The following ZNF300 variants were observed in gnomAD, a reference collection of about 807,000 sequenced individuals.
The protein encoded by ZNF300 is kruppel-like zinc finger protein.
A neutral mutation model predicts 13.9 loss-of-function variants in ZNF300; 6 were observed. The observed-to-expected ratio is 0.43, with a 90% CI of 0.24 to 0.85. ZNF300 has a LOEUF of 0.85. Among genes scored for constraint, ZNF300 ranks in the 40% least tolerant of loss-of-function variants. ZNF300 has a pLI of 0.25. For synonymous variants in ZNF300, 237 were observed against 242.2 expected, an observed-to-expected ratio of 0.98 and a Z score of 0.20; for missense variants, 662 against 714.2, an observed-to-expected ratio of 0.93 and a Z score of 0.83.
At position 150,904,769 on chromosome 5, in the gene ZNF300, C is replaced by T. The variant is rs1465322419; in HGVS notation, c.-207G>A. 6.5e-6 allele frequency: 1 copy of T among 153,266 alleles called. No individual in the cohort carries two copies. The highest frequency in any genetic ancestry group is 2.4e-5 in the African/African-American group (1 of 41,456). The allele number at this position is 153,266 out of a possible 1,614,324, so 9.5% of individuals were successfully genotyped here. On this transcript the variant is annotated 5_prime_UTR_variant, in exon 1 of 6. Transcript: ENST00000274599. ...TATCAGGTCCCAAAACCACCATCAC[C>T]GCTTAATGGGAACCGCTGTCACATC... is the stretch of plus-strand genomic sequence containing the variant.
In ZNF300 at chr5:150,896,085, T is replaced by C. The variant is rs765108536; in HGVS notation, c.1154A>G (p.Glu385Gly). 4 of 1,613,564 alleles carry C rather than the reference T, an allele frequency of 2.5e-6. No homozygotes were observed. In the Admixed American group the frequency reaches 6.7e-5, roughly 27 times the overall value. Reference protein sequence around the residue: ...HTGEKPYECRECGKAFSQKSQ... With the variant: ...HTGEKPYECRGCGKAFSQKSQ... The stretch of plus-strand genomic sequence containing the variant: ...CTTCTGGGAAAAGGCCTTCCCACAC[T>C]CTCTACATTCATAGGGTTTTTCCCC... The change falls in exon 6 of 6, where the codon GAG (glutamate) becomes GGG (glycine). Residue 385 changes from glutamate to glycine, a missense_variant. Coordinates refer to ENST00000274599, the MANE Select transcript of ZNF300 (RefSeq NM_052860.4).
intron 3 of ZNF300, among the ~76,000 whole-genome samples, chr5:150,902,861 T>A (rs78514223): frequency 0.039 from 5,900 of 152,302 alleles, 181 homozygotes; most frequent in East Asian, 0.16. Context: ...CTTATATGGC[T>A]AGAAACATTT....
chr5:150,897,929 G>C, intron 5 of ZNF300, 133 bp downstream of exon 5: 1 of 1,020,516 alleles, frequency 9.8e-7, no homozygotes, highest in Non-Finnish European at 1.4e-6. Context: ...CCTCTGAAAG[G>C]CTTCACAATT....
At chr5:150,903,028 G>T in intron 3 of ZNF300, 113 bp downstream of exon 3, 1 of 1,125,100 alleles carries the variant, frequency 8.9e-7, no homozygotes, top group Non-Finnish European at 1.3e-6. Flanking sequence ...TCGAGGTCTT[G>T]ATCTTTGTTG....
At chr5:150,904,630 C>G (rs1755084438) in intron 1 of ZNF300, 74 bp downstream of exon 1, 1 of 152,744 alleles carries the variant, frequency 6.5e-6, no homozygotes, top group South Asian at 2.1e-4. Context: ...CTTCCCCCAC[C>G]AGTGATTTCA....
chr5:150,903,334 T>C, intron 2 of ZNF300, 152 bp from the exon 3 acceptor site: 2 of 1,558,506 alleles, frequency 1.3e-6, no homozygotes, highest in Non-Finnish European at 1.7e-6. Context: ...CTTACAGAAG[T>C]CTCAGCAGGC....
At chr5:150,898,643 T>C (rs759490635) in intron 3 of ZNF300, 89 bp from the exon 4 acceptor site, 16 of 1,395,020 alleles carry the variant, frequency 1.1e-5, no homozygotes, top group Non-Finnish European at 1.4e-5. Flanking sequence ...CCTAGTTTTG[T>C]ATAATAGTTT....
chr5:150,895,834 C>A lies in ZNF300; in HGVS notation c.1405G>T (p.Glu469Ter). The A allele has an allele frequency of 6.2e-7, 1 of 1,613,622 alleles. No individual in the cohort carries two copies. The highest frequency in any genetic ancestry group is 8.5e-7 in the Non-Finnish European group (1 of 1,179,838). Residue 469 changes from glutamate (E) to a stop codon, truncating the protein, a stop_gained, in exon 6 of 6, where the codon GAA becomes TAA. Coordinates refer to ENST00000274599, the MANE Select transcript of ZNF300 (RefSeq NM_052860.4). LOFTEE classifies it low-confidence loss of function (END_TRUNC). ...TTGCGGGAGAATGTCTTTCCACATTCAGTACATTCATAAGGTTTTTCCCCA... is the reference window on the plus strand; with the variant it reads ...TTGCGGGAGAATGTCTTTCCACATTAAGTACATTCATAAGGTTTTTCCCCA... ...HTGEKPYECT[E>*]CGKTFSRKSQ...
chr5:150,897,872 A>C, intron 5 of ZNF300, 190 bp downstream of exon 5: 1 of 537,784 alleles, frequency 1.9e-6, no homozygotes, highest in Non-Finnish European at 3.0e-6. Flanking sequence ...ACAAATATAA[A>C]CATATATATA....
chr5:150,897,929 G>A (rs1754851429), intron 5 of ZNF300, 133 bp downstream of exon 5: 3 of 1,020,398 alleles, frequency 2.9e-6, no homozygotes, highest in South Asian at 1.7e-5. Context: ...CCTCTGAAAG[G>A]CTTCACAATT....
rs371107991 is a variant in ZNF300, at chr5:150,898,176, C to T, written c.151G>A (p.Val51Ile). The T allele has an allele frequency of 1.2e-6, 2 of 1,613,092 alleles. No homozygotes were observed. The highest frequency in any genetic ancestry group is 2.7e-5 in the African/African-American group (2 of 74,834). ...YSHLVSMGYP[V>I]SKPDVISKLE... is the part of the protein sequence containing the mutation. ...TTGGAGATGACATCTGGTTTGGAAA[C>T]TGGATACCCTATTAAACAGAAATCA... is the stretch of plus-strand genomic sequence containing the variant. The change falls in exon 5 of 6, where the codon GTT becomes ATT. Residue 51 changes from valine (V) to isoleucine (I), a missense_variant. Transcript: ENST00000274599.
rs746063592 is a variant in ZNF300 at position 150,896,296 on chromosome 5, G to A, written c.943C>T (p.His315Tyr). ...TTCTCCCCAGTATGAGTTCTCTGATGTACAACAAGATGAAACTTCTCACTG... is the reference window on the plus strand; with the variant it reads ...TTCTCCCCAGTATGAGTTCTCTGATATACAACAAGATGAAACTTCTCACTG... ...AFSEKFHLVVHQRTHTGEKPY... is the reference protein window; with the variant it reads ...AFSEKFHLVVYQRTHTGEKPY... The change falls in exon 6 of 6, where the codon CAT becomes TAT. Residue 315 changes from histidine to tyrosine, a missense_variant. His to Tyr is a moderately conservative substitution (Grantham distance 83). Transcript: ENST00000274599. 1 of 1,613,626 alleles carries A rather than the reference G, an allele frequency of 6.2e-7. No homozygotes were observed. Among genetic ancestry groups the A allele is most frequent in the Non-Finnish European group, 8.5e-7 (1 of 1,179,782 alleles).
Position 150,896,470 on chromosome 5 carries a change from T to G in ZNF300, c.769A>C (p.Ile257Leu), listed in dbSNP as rs375500246. The G allele has an allele frequency of 3.3e-5, 54 of 1,613,422 alleles. No individual in the cohort carries two copies. Among genetic ancestry groups the G allele is most frequent in the Admixed American group, 2.0e-4 (12 of 59,864 alleles). ...TTAGTTTCCACATTCTGATATTGAATAAGGGATTGTGTATTTCTAAAAACG... is the reference window on the plus strand; with the variant it reads ...TTAGTTTCCACATTCTGATATTGAAGAAGGGATTGTGTATTTCTAAAAACG... ...GNVFRNTQSL[I>L]QYQNVETKEK... Residue 257 changes from isoleucine to leucine, a missense_variant, in exon 6 of 6, where the codon ATT becomes CTT. Physicochemically the swap from Ile to Leu is conservative, Grantham distance 5. Transcript: ENST00000274599.
chr5:150,903,768 C>G (rs1267895662), intron 2 of ZNF300, 96 bp downstream of exon 2: 1 of 194,562 alleles, frequency 5.1e-6, no homozygotes, highest in East Asian at 1.2e-4. Context: ...TTTTATTGCT[C>G]TTTTTCAACA....
In ZNF300 at chr5:150,895,638, G is replaced by T. The variant is rs772746777; in HGVS notation, c.1601C>A (p.Ser534Tyr). ...AATTCGCTGGTGTCCCGGAAGGTGG[G>T]ACTTCTGAGAGAAGGCTTTCCCACA... is the stretch of plus-strand genomic sequence containing the variant. ...TECGKAFSQKSHLPGHQRIHT... is the reference protein window; with the variant it reads ...TECGKAFSQKYHLPGHQRIHT... The change falls in exon 6 of 6, where the codon TCC (serine) becomes TAC (tyrosine). Residue 534 changes from serine to tyrosine, a missense_variant. Transcript: ENST00000274599. 6.2e-7 allele frequency: 1 copy of T among 1,613,206 alleles called. No individual in the cohort carries two copies. The highest frequency in any genetic ancestry group is 8.5e-7 in the Non-Finnish European group (1 of 1,179,548).
intron 3 of ZNF300, among the ~76,000 whole-genome samples, chr5:150,902,438 T>G (rs1755023021): frequency 1.3e-5 from 2 of 152,208 alleles, no homozygotes. Context: ...ATAGGAAGCA[T>G]CTGTAATCAA....
chr5:150,898,702 T>C lies in ZNF300; in HGVS notation c.16-148A>G, dbSNP rs546204814. 9.7e-6 allele frequency: 8 copies of C among 826,004 alleles called. No individual in the cohort carries two copies. In the South Asian group the frequency reaches 1.6e-4, roughly 17 times the overall value. 51.2% of individuals were successfully genotyped at this position (826,004 alleles called of 1,614,324 possible). A position where few individuals can be genotyped will look rare whatever the true frequency, so the allele number is the denominator to read the frequency against. Reference sequence around the variant, plus strand: ...TGTTTTTAGCAAGCAGAGCCAGGCATATGAGGAGAAAAAAAGAGGTAAACC... The same window carrying C: ...TGTTTTTAGCAAGCAGAGCCAGGCACATGAGGAGAAAAAAAGAGGTAAACC... On this transcript the variant is annotated intron_variant, in intron 3 of 5. Transcript: ENST00000274599.
Position 150,895,397 on chromosome 5 carries a change from T to C in ZNF300, c.*27A>G. 2 of 1,522,676 alleles carry C rather than the reference T, an allele frequency of 1.3e-6. No individual in the cohort carries two copies. The highest frequency in any genetic ancestry group is 1.8e-6 in the Non-Finnish European group (2 of 1,123,550). The allele number at this position is 1,522,676 out of a possible 1,614,324, so 94.3% of individuals were successfully genotyped here. A position where few individuals can be genotyped will look rare whatever the true frequency, so the allele number is the denominator to read the frequency against. On this transcript the variant is annotated 3_prime_UTR_variant, in exon 6 of 6. Transcript: ENST00000274599. ...TAGTAATTATTAAGGCTTGAGCTAA[T>C]ACTAAGGCTTTTCTGTGGCCAGTTC...
At chr5:150,903,473 G>A (rs1755053372) in intron 2 of ZNF300, 1 of 1,008,368 alleles carries the variant, frequency 9.9e-7, no homozygotes, top group African/African-American at 1.6e-5. Context: ...ACAACTTACT[G>A]TTCCCCTTGG....
Sources: gnomAD v4.1 joint callset for allele counts (sites outside exome capture counted in the v4.1 genomes callset) on GRCh38, gnomAD v4.1.1 for gene constraint, MANE v1.5 for transcripts, NCBI Gene and HGNC (gene_info 2026-07-23, HGNC 2026-07-21) for gene names.